The following CACNA2D3 variants were observed in gnomAD, a reference collection of about 807,000 sequenced individuals.
The protein encoded by CACNA2D3 is voltage-dependent calcium channel subunit alpha-2/delta-3.
In CACNA2D3, 60 loss-of-function variants were observed where a neutral mutation model predicts 160.6. The ratio of observed to expected loss-of-function variants is 0.37; its 90% CI spans 0.30 to 0.46. The LOEUF (loss-of-function observed/expected upper bound fraction) is 0.46, where lower values mean the gene tolerates loss of function less well. CACNA2D3 is among the 20% of genes least tolerant of loss of function. CACNA2D3 has a pLI of 1.00. For synonymous variants in CACNA2D3, 558 were observed against 492.9 expected (o/e 1.13, Z -1.75); for missense variants, 1,205 against 1,365.0 (o/e 0.88, Z 1.85).
chr3:54,896,903 G>C, intron 26 of CACNA2D3, 33 bp downstream of exon 26: 1 of 1,613,546 alleles, frequency 6.2e-7, no homozygotes, highest in Non-Finnish European at 8.5e-7. Context: ...GGCTCTGTCT[G>C]TCTGGTCCAG....
chr3:54,175,786 G>A (rs1700668151), intron 2 of CACNA2D3, among the ~76,000 whole-genome samples: 1 of 152,128 alleles, frequency 6.6e-6, no homozygotes, highest in Non-Finnish European at 1.5e-5. Context: ...TGGCAAAACA[G>A]GTCATTGGAG....
At position 54,776,989 on chromosome 3, in the gene CACNA2D3, CTTTGACATGG is replaced by C. The variant is rs888679570; in HGVS notation, c.1380+12642_1380+12651del. ...TAACTTCTCAGAGCTGATTCTCATG[CTTTGACATGG>C]TTTAGACTAAAATGAACACATTCCT... On this transcript the variant is annotated intron_variant, in intron 13 of 37. Transcript: ENST00000474759. Among the ~76,000 whole-genome samples, 12 of 152,330 alleles carry C rather than the reference CTTTGACATGG, an allele frequency of 7.9e-5. No individual in the cohort carries two copies. In the South Asian group the frequency reaches 1.2e-3, roughly 16 times the overall value.
At chr3:54,785,357 A>T (rs1460783441) in intron 13 of CACNA2D3, among the ~76,000 whole-genome samples, 1 of 152,184 alleles carries the variant, frequency 6.6e-6, no homozygotes, top group Non-Finnish European at 1.5e-5. Flanking sequence ...AGGAGATCTC[A>T]AAAATCTGAC....
intron 3 of CACNA2D3, among the ~76,000 whole-genome samples, chr3:54,337,840 G>T (rs767846224): frequency 2.0e-5 from 3 of 152,172 alleles, no homozygotes; most frequent in Non-Finnish European, 2.9e-5. Context: ...TCAGAAAGAT[G>T]CACAACTCCA....
At chr3:54,526,379 C>G (rs1045760700) in intron 5 of CACNA2D3, among the ~76,000 whole-genome samples, 1 of 152,062 alleles carries the variant, frequency 6.6e-6, no homozygotes, top group South Asian at 2.1e-4. Flanking sequence ...GTGTATGTGT[C>G]ATATTTTCCT....
In CACNA2D3 at chr3:54,298,435, C is replaced by T. The variant is rs182240762; in HGVS notation, c.205-22007C>T. Among the ~76,000 whole-genome samples, 188 of 152,286 alleles carry T rather than the reference C, an allele frequency of 1.2e-3. 2 individuals are homozygous for T. In the South Asian group the frequency reaches 0.022, roughly 18 times the overall value. On this transcript the variant is annotated intron_variant, in intron 2 of 37. Transcript: ENST00000474759. ...CATGTGAACTTCAGGTTCATAAAAC[C>T]GACAGACGAGAGTTATTAGTACTTT...
At chr3:54,889,575 G>C (rs1284663668) in intron 24 of CACNA2D3, among the ~76,000 whole-genome samples, 1 of 152,190 alleles carries the variant, frequency 6.6e-6, no homozygotes, top group African/African-American at 2.4e-5. Context: ...GAGAGACACT[G>C]GGGGAGGATC....
At chr3:54,348,470 A>C (rs1553631946) in intron 3 of CACNA2D3, among the ~76,000 whole-genome samples, 1 of 152,210 alleles carries the variant, frequency 6.6e-6, no homozygotes, top group Non-Finnish European at 1.5e-5. Context: ...GTTATCTACA[A>C]TATTGTGTTT....
Position 54,948,655 on chromosome 3 carries a change from A to G in CACNA2D3, c.2450-19795A>G, listed in dbSNP as rs113081850. ...CTAGGTTTCATGAGAGACACTTGAC[A>G]TGAAATAGGGAAGGGCACCATTCAT... is the stretch of plus-strand genomic sequence containing the variant. On this transcript the variant is annotated intron_variant, in intron 27 of 37. Transcript: ENST00000474759. Among the ~76,000 whole-genome samples the G allele has an allele frequency of 5.4e-3, 817 of 152,336 alleles. 4 individuals carry two copies. The highest frequency in any genetic ancestry group is 0.019 in the African/African-American group (784 of 41,582).
chr3:54,448,569 C>A (rs561110007), intron 4 of CACNA2D3, among the ~76,000 whole-genome samples: 1 of 152,236 alleles, frequency 6.6e-6, no homozygotes, highest in East Asian at 1.9e-4. Flanking sequence ...GCCAGAAGGC[C>A]CAAATCTGTA....
chr3:55,013,321 C>A (rs1272209700), intron 34 of CACNA2D3, among the ~76,000 whole-genome samples: 1 of 152,294 alleles, frequency 6.6e-6, no homozygotes, highest in Middle Eastern at 3.4e-3. Flanking sequence ...ATGACGACAG[C>A]GAGAGCTGCA....
intron 35 of CACNA2D3, among the ~76,000 whole-genome samples, chr3:55,019,127 C>G (rs1243772691): frequency 6.9e-6 from 1 of 144,144 alleles, no homozygotes; most frequent in African/African-American, 2.7e-5. Flanking sequence ...TAAGTCTAGT[C>G]ATGGGCTGAG....
At chr3:54,786,059 C>T (rs1217152954) in intron 13 of CACNA2D3, among the ~76,000 whole-genome samples, 1 of 152,178 alleles carries the variant, frequency 6.6e-6, no homozygotes, top group Admixed American at 6.5e-5. Flanking sequence ...CTTACCTAAT[C>T]TTTATGTTTC....
chr3:54,463,239 T>A (rs1270772276), intron 4 of CACNA2D3, among the ~76,000 whole-genome samples: 2 of 152,192 alleles, frequency 1.3e-5, no homozygotes, highest in Non-Finnish European at 2.9e-5. Context: ...TTGGTGAGTC[T>A]GACAATTACG....
intron 11 of CACNA2D3, among the ~76,000 whole-genome samples, chr3:54,725,029 TAAGAA>T (rs1374607825): frequency 2.6e-5 from 4 of 151,374 alleles, no homozygotes; most frequent in Non-Finnish European, 5.9e-5. Context: ...GCCAGACTAA[TAAGAA>T]AAGAGAGAAG....
chr3:54,488,199 C>T (rs1466631243), intron 4 of CACNA2D3, among the ~76,000 whole-genome samples: 1 of 152,104 alleles, frequency 6.6e-6, no homozygotes, highest in Non-Finnish European at 1.5e-5. Flanking sequence ...TTGGGTTATT[C>T]CATACCAATG....
At chr3:54,141,351 C>T (rs540409874) in intron 2 of CACNA2D3, among the ~76,000 whole-genome samples, 3 of 152,224 alleles carry the variant, frequency 2.0e-5, no homozygotes, top group South Asian at 4.1e-4. Flanking sequence ...CCATTGAGCT[C>T]CCTGTGTATG....
intron 13 of CACNA2D3, among the ~76,000 whole-genome samples, chr3:54,814,397 A>C (rs1471938673): frequency 6.6e-6 from 1 of 152,234 alleles, no homozygotes; most frequent in Non-Finnish European, 1.5e-5. Context: ...TCAAAGGCCA[A>C]AGCAGAGCAG....
chr3:54,627,357 A>G (rs1699144134), intron 9 of CACNA2D3, among the ~76,000 whole-genome samples: 1 of 152,040 alleles, frequency 6.6e-6, no homozygotes, highest in Admixed American at 6.6e-5. Flanking sequence ...CCCATATGAG[A>G]TGTGAAAAGT....
Sources: allele counts gnomAD v4.1 joint callset (sites outside exome capture counted in the v4.1 genomes callset), GRCh38; gene constraint gnomAD v4.1.1; transcripts MANE v1.5; gene names NCBI Gene and HGNC (gene_info 2026-07-23, HGNC 2026-07-21).